The following CEP112 variants were observed in gnomAD, a reference collection of about 807,000 sequenced individuals.
CEP112 encodes centrosomal protein 112.
A neutral mutation model predicts 153.0 loss-of-function variants in CEP112; 127 were observed. That is an observed-to-expected ratio of 0.83 (90% CI 0.72 to 0.96). CEP112 has a LOEUF of 0.96. Ranked by LOEUF, CEP112 falls within the 40% of genes least tolerant of loss-of-function variation. The pLI, the probability that CEP112 is intolerant of heterozygous loss-of-function variation, is 0.00. For synonymous variants in CEP112, 358 were observed against 374.4 expected (o/e 0.96, Z 0.51); for missense variants, 1,089 against 1,101.2 (o/e 0.99, Z 0.16).
chr17:65,858,131 T>C (rs1232152045), intron 20 of CEP112, among the ~76,000 whole-genome samples: 2 of 152,236 alleles, frequency 1.3e-5, no homozygotes, highest in Non-Finnish European at 2.9e-5. Context: ...CAGATTTGTA[T>C]GTGTGTGTTC....
chr17:65,661,936 G>C (rs1213751945), intron 24 of CEP112: 2 of 141,578 alleles, frequency 1.4e-5, no homozygotes, highest in Non-Finnish European at 3.1e-5. Context: ...ATATATATGT[G>C]TGTGTGTGTG....
intron 4 of CEP112, among the ~76,000 whole-genome samples, chr17:66,163,781 T>C (rs544716286): frequency 6.6e-6 from 1 of 152,296 alleles, no homozygotes; most frequent in South Asian, 2.1e-4. Flanking sequence ...ATATTTAAAT[T>C]TCATTAAAAT....
At chr17:66,149,880 G>GTTTTTTTTTTTTT (rs1568549274) in intron 4 of CEP112, among the ~76,000 whole-genome samples, 7 of 60,720 alleles carry the variant, frequency 1.2e-4, no homozygotes, top group Non-Finnish European at 1.8e-4. Flanking sequence ...TTTTTTTTTT[G>GTTTTTTTTTTTTT]TTTGTTTGTT....
chr17:66,179,873 G>GT (rs898720854), intron 2 of CEP112, among the ~76,000 whole-genome samples: 3 of 151,840 alleles, frequency 2.0e-5, no homozygotes, highest in East Asian at 1.9e-4. Context: ...TTGATACCCA[G>GT]TTTTTTTTAG....
intron 20 of CEP112, among the ~76,000 whole-genome samples, chr17:65,866,127 G>A (rs2058476187): frequency 6.6e-6 from 1 of 152,068 alleles, no homozygotes; most frequent in Admixed American, 6.5e-5. Context: ...GCACTCTCGG[G>A]GGCCTGGGAA....
At chr17:65,694,541 T>C (rs118099735) in intron 23 of CEP112, among the ~76,000 whole-genome samples, 3,486 of 152,306 alleles carry the variant, frequency 0.023, 68 homozygotes, top group Non-Finnish European at 0.035. Flanking sequence ...GAGAAAGCAG[T>C]TGTATTTAGA....
chr17:65,770,040 T>A (rs2053246105), intron 21 of CEP112, among the ~76,000 whole-genome samples: 1 of 151,516 alleles, frequency 6.6e-6, no homozygotes, highest in Admixed American at 6.6e-5. Flanking sequence ...TGTAGTTGTA[T>A]CCCAGAAAGA....
At chr17:65,997,332 C>T (rs886131408) in intron 17 of CEP112, among the ~76,000 whole-genome samples, 7 of 152,274 alleles carry the variant, frequency 4.6e-5, no homozygotes, top group Non-Finnish European at 8.8e-5. Context: ...TCATTCTAGG[C>T]GAGAAAAACT....
intron 20 of CEP112, among the ~76,000 whole-genome samples, chr17:65,886,367 A>G (rs891741023): frequency 5.3e-5 from 8 of 152,230 alleles, no homozygotes; most frequent in Non-Finnish European, 1.5e-5. Context: ...TAATGGCTAA[A>G]AAAACCCTTG....
intron 20 of CEP112, among the ~76,000 whole-genome samples, chr17:65,855,549 G>T (rs950637627): frequency 6.6e-6 from 1 of 152,154 alleles, no homozygotes; most frequent in African/African-American, 2.4e-5. Flanking sequence ...CTGTCTTGGG[G>T]TTCATAATCT....
At chr17:65,949,644 T>G (rs113057250) in intron 18 of CEP112, among the ~76,000 whole-genome samples, 1 of 152,244 alleles carries the variant, frequency 6.6e-6, no homozygotes, top group African/African-American at 2.4e-5. Flanking sequence ...GAGACTCAAG[T>G]AGGTCTGGCA....
intron 20 of CEP112, among the ~76,000 whole-genome samples, chr17:65,886,100 C>T (rs571557316): frequency 8.5e-5 from 13 of 152,220 alleles, no homozygotes; most frequent in Admixed American, 3.3e-4. Flanking sequence ...TTTAAAGTCC[C>T]GCCTTTGGTT....
At chr17:65,653,577 G>C (rs1224448746) in intron 24 of CEP112, among the ~76,000 whole-genome samples, 1 of 152,172 alleles carries the variant, frequency 6.6e-6, no homozygotes, top group Non-Finnish European at 1.5e-5. Context: ...GCAGCAAAAA[G>C]ACACAGGGCT....
chr17:66,078,253 TTTTC>T (rs1413331765), intron 8 of CEP112, among the ~76,000 whole-genome samples: 1 of 52,346 alleles, frequency 1.9e-5, no homozygotes, highest in African/African-American at 5.6e-5. Flanking sequence ...TTTTCTTTTC[TTTTC>T]TTTTTCTTTT....
intron 20 of CEP112, among the ~76,000 whole-genome samples, chr17:65,887,960 C>T (rs1222605469): frequency 6.6e-6 from 1 of 152,152 alleles, no homozygotes; most frequent in Non-Finnish European, 1.5e-5. Flanking sequence ...AAGCGTCTTT[C>T]TACCCCCTTG....
At chr17:65,958,842 C>A in intron 18 of CEP112, among the ~76,000 whole-genome samples, 1 of 152,156 alleles carries the variant, frequency 6.6e-6, no homozygotes, top group East Asian at 1.9e-4. Context: ...GGAGTGGGAA[C>A]TCGTGGTGCC....
chr17:65,984,022 T>C (rs983829340), intron 17 of CEP112, among the ~76,000 whole-genome samples: 4 of 152,208 alleles, frequency 2.6e-5, no homozygotes, highest in Admixed American at 1.3e-4. Flanking sequence ...TTAGCTTATT[T>C]CAGTCTAGAT....
At chr17:65,798,826 A>G (rs1414391229) in intron 21 of CEP112, among the ~76,000 whole-genome samples, 1 of 152,210 alleles carries the variant, frequency 6.6e-6, no homozygotes, top group Non-Finnish European at 1.5e-5. Context: ...TCAATCCACT[A>G]AAAAATTAAG....
At chr17:66,153,185 A>G (rs1390420165) in intron 4 of CEP112, among the ~76,000 whole-genome samples, 1 of 152,190 alleles carries the variant, frequency 6.6e-6, no homozygotes, top group African/African-American at 2.4e-5. Flanking sequence ...ACTCTTAGAT[A>G]TCCATCCAAA....
Sources: allele counts gnomAD v4.1 joint callset (sites outside exome capture counted in the v4.1 genomes callset), GRCh38; gene constraint gnomAD v4.1.1; transcripts MANE v1.5; gene names NCBI Gene and HGNC (gene_info 2026-07-23, HGNC 2026-07-21).